The following LTBP4 variants were observed in gnomAD, a reference collection of about 807,000 sequenced individuals.
The protein encoded by LTBP4 is latent-transforming growth factor beta-binding protein 4.
Under a neutral mutation model 180.2 loss-of-function variants are expected in LTBP4, and 93 were observed. The ratio of observed to expected loss-of-function variants is 0.52; its 90% CI spans 0.44 to 0.61. The LOEUF (loss-of-function observed/expected upper bound fraction) is 0.61. Among genes scored for constraint, LTBP4 ranks in the 20% least tolerant of loss-of-function variants. LTBP4 has a pLI of 0.00. For synonymous variants in LTBP4, 947 were observed against 934.5 expected (o/e 1.01, Z -0.24); for missense variants, 2,116 against 2,256.5 (o/e 0.94, Z 1.26).
intron 24 of LTBP4, 78 bp from the exon 25 acceptor site, chr19:40,623,524 GTC>G (rs2081601971): frequency 4.0e-6 from 6 of 1,510,660 alleles, no homozygotes; most frequent in Middle Eastern, 1.7e-4. Flanking sequence ...CACCAGCTCT[GTC>G]TCTGTCTTCC....
Position 40,606,261 on chromosome 19 carries a change from T to C in LTBP4, c.822T>C (p.Asp274=). The part of the protein sequence containing the change: ...LGNSERVSAP[D]GPCPTGFERV... ...ACTCCGAAAGAGTGAGCGCCCCAGATGGACCTTGTCCAACCGGCTTTGAAA... is the reference window on the plus strand; with the variant it reads ...ACTCCGAAAGAGTGAGCGCCCCAGACGGACCTTGTCCAACCGGCTTTGAAA... Residue 274 remains aspartate (D), a synonymous_variant, in exon 5 of 30, where the codon GAT becomes GAC. Transcript: ENST00000396819. 1 of 1,597,908 alleles carries C rather than the reference T, an allele frequency of 6.3e-7. No individual in the cohort carries two copies.
At chr19:40,620,269 C>T (rs1403088957) in intron 22 of LTBP4, among the ~76,000 whole-genome samples, 1 of 147,634 alleles carries the variant, frequency 6.8e-6, no homozygotes, top group East Asian at 2.0e-4. Flanking sequence ...AAGACAGGGT[C>T]GTACTTTCAC....
In LTBP4 at chr19:40,605,288, C is replaced by T. The variant is rs905931506; in HGVS notation, c.442+62C>T. ...GTCAAGCATTTCACTTTGCCCCTGA[C>T]CCTCATATTTCCCGCCTTCCCGAGC... On this transcript the variant is annotated intron_variant, in intron 2 of 29. Coordinates refer to ENST00000396819, the MANE Select transcript of LTBP4 (RefSeq NM_001042545.2). The surrounding 1 kb of genome is among the most constrained non-coding windows in gnomAD (Gnocchi z 5.5). The T allele has an allele frequency of 5.1e-6, 8 of 1,557,372 alleles. 1 individual carries two copies. The highest frequency in any genetic ancestry group is 7.0e-6 in the Non-Finnish European group (8 of 1,149,446).
chr19:40,626,882 C>T, intron 27 of LTBP4, 93 bp from the exon 28 acceptor site: 1 of 1,419,904 alleles, frequency 7.0e-7, no homozygotes. Flanking sequence ...CCCTCCCCAT[C>T]CAGTCCTCTG....
At position 40,613,405 on chromosome 19, in the gene LTBP4, C is replaced by G. The variant is rs779911975; in HGVS notation, c.2433C>G (p.Asp811Glu). ...APSGRPGPCA[D>E]VNECLEGDFC... is the part of the protein sequence containing the mutation. ...CGCCCAATCTCCCGCGTACCCTAGA[C>G]GTGAACGAGTGCCTGGAGGGCGATT... The change falls in exon 17 of 30, where the codon GAC becomes GAG. Residue 811 changes from aspartate to glutamate, a missense_variant and splice_region_variant. Physicochemically the swap from Asp to Glu is conservative, Grantham distance 45. This residue lies in a region of LTBP4 where 877 missense variants were observed against 873.6 expected (regional missense o/e 1.00). Transcript: ENST00000396819. This position sits in a 1 kb window ranked among gnomAD's most constrained non-coding sequence, Gnocchi z 5.0. The G allele has an allele frequency of 1.9e-5, 31 of 1,606,490 alleles. No individual in the cohort carries two copies. Among genetic ancestry groups the G allele is most frequent in the Non-Finnish European group, 2.5e-5 (29 of 1,177,130 alleles).
chr19:40,613,773 T>C lies in LTBP4; in HGVS notation c.2558-143T>C. On this transcript the variant is annotated intron_variant, in intron 17 of 29. Coordinates refer to ENST00000396819, the MANE Select transcript of LTBP4 (RefSeq NM_001042545.2). This position sits in a 1 kb window ranked among gnomAD's most constrained non-coding sequence, Gnocchi z 5.0. ...CTGTTCTAAACCCGTCGGGGGGCGG[T>C]GTTTGCAGGGAGGGAAGTAGCGTGA... 1 of 1,328,060 alleles carries C rather than the reference T, an allele frequency of 7.5e-7. No homozygotes were observed. Among genetic ancestry groups the C allele is most frequent in the Non-Finnish European group, 1.0e-6 (1 of 956,330 alleles). 82.3% of individuals were successfully genotyped at this position (1,328,060 alleles called of 1,614,324 possible).
Position 40,611,029 on chromosome 19 carries a change from T to C in LTBP4, c.1811-123T>C, listed in dbSNP as rs1201016219. ...TGGTGGAGGATGCAGAGTCAGATGA[T>C]GGTGACAAGGAGGAATAGAGATGGG... On this transcript the variant is annotated intron_variant, in intron 12 of 29. Transcript: ENST00000396819. This position sits in a 1 kb window ranked among gnomAD's most constrained non-coding sequence, Gnocchi z 4.4. 5 of 1,340,932 alleles carry C rather than the reference T, an allele frequency of 3.7e-6. No homozygotes were observed. The highest frequency in any genetic ancestry group is 4.7e-5 in the East Asian group (2 of 42,376). 83.1% of individuals were successfully genotyped at this position (1,340,932 alleles called of 1,614,324 possible).
Position 40,605,585 on chromosome 19 carries a change from C to T in LTBP4, c.623C>T (p.Pro208Leu). The T allele has an allele frequency of 1.2e-6, 2 of 1,601,438 alleles. No homozygotes were observed. The highest frequency in any genetic ancestry group is 2.2e-5 in the East Asian group (1 of 44,546). The change falls in exon 3 of 30, where the codon CCG (proline) becomes CTG (leucine). Residue 208 changes from proline to leucine, a missense_variant. By Grantham distance (98) the Pro-to-Leu change is moderately conservative. This residue lies in a region of LTBP4 where 469 missense variants were observed against 532.5 expected (regional missense o/e 0.88). Coordinates refer to ENST00000396819, the MANE Select transcript of LTBP4 (RefSeq NM_001042545.2). The surrounding 1 kb of genome is among the most constrained non-coding windows in gnomAD (Gnocchi z 5.5). Reference protein sequence around the residue: ...APYTVLAQSAPREDGYSDASG... With the variant: ...APYTVLAQSALREDGYSDASG... ...TACACGGTGTTGGCACAGAGCGCGC[C>T]GCGGGAGGACGGCTACTCAGATGCC...
At chr19:40,614,472 C>A in intron 19 of LTBP4, 26 bp downstream of exon 19, 1 of 1,591,588 alleles carries the variant, frequency 6.3e-7, no homozygotes, top group Non-Finnish European at 8.5e-7. Flanking sequence ...CCCGCCTTCG[C>A]TAGCGCTTGC....
intron 1 of LTBP4, among the ~76,000 whole-genome samples, chr19:40,595,960 G>A (rs1228324177): frequency 4.3e-5 from 5 of 115,890 alleles, no homozygotes; most frequent in South Asian, 2.9e-4. Flanking sequence ...TTGCTCTGTC[G>A]CCCAGGCTAG....
rs111406820 is a variant in LTBP4, at chr19:40,619,345, A to G, written c.3071-2A>G. On this transcript the variant is annotated splice_acceptor_variant, in intron 21 of 29. Coordinates refer to ENST00000396819, the MANE Select transcript of LTBP4 (RefSeq NM_001042545.2). LOFTEE classifies it high-confidence loss of function. ...CTCTCCCCTGTTGTCTCCTGCTTAC[A>G]GATGTGAACGAGTGTGAAACACTAC... 1 of 1,613,350 alleles carries G rather than the reference A, an allele frequency of 6.2e-7. No individual in the cohort carries two copies. Among genetic ancestry groups the G allele is most frequent in the Non-Finnish European group, 8.5e-7 (1 of 1,179,438 alleles).
Position 40,611,827 on chromosome 19 carries a change from T to C in LTBP4, c.2054-32T>C, listed in dbSNP as rs1336264487. On this transcript the variant is annotated intron_variant, in intron 13 of 29. Transcript: ENST00000396819. This position sits in a 1 kb window ranked among gnomAD's most constrained non-coding sequence, Gnocchi z 4.4. Reference sequence around the variant, plus strand: ...GGCCATGGGAATGGATTCAGGCCCCTTCCTCAGCCTCATTGGTCCCCTCTG... The same window carrying C: ...GGCCATGGGAATGGATTCAGGCCCCCTCCTCAGCCTCATTGGTCCCCTCTG... 1 of 1,592,422 alleles carries C rather than the reference T, an allele frequency of 6.3e-7. No homozygotes were observed. Among genetic ancestry groups the C allele is most frequent in the South Asian group, 1.1e-5 (1 of 87,972 alleles).
chr19:40,597,756 A>C (rs938837583), upstream of LTBP4, among the ~76,000 whole-genome samples: 1 of 151,734 alleles, frequency 6.6e-6, no homozygotes, highest in African/African-American at 2.4e-5. Context: ...TAAGGAGGAA[A>C]GGTGTTGGGG....
At position 40,613,287 on chromosome 19, in the gene LTBP4, C is replaced by A; in HGVS notation, c.2431+91C>A. ...TGGAAAGGTGGAGGCGGGACCAAGGCGCTGTGGGAGGAGCTTAGAAACCTG... is the reference window on the plus strand; with the variant it reads ...TGGAAAGGTGGAGGCGGGACCAAGGAGCTGTGGGAGGAGCTTAGAAACCTG... On this transcript the variant is annotated intron_variant, in intron 16 of 29. Coordinates refer to ENST00000396819, the MANE Select transcript of LTBP4 (RefSeq NM_001042545.2). The surrounding 1 kb of genome is among the most constrained non-coding windows in gnomAD (Gnocchi z 5.0). The A allele has an allele frequency of 1.3e-6, 2 of 1,542,396 alleles. No individual in the cohort carries two copies. The highest frequency in any genetic ancestry group is 1.8e-6 in the Non-Finnish European group (2 of 1,140,944).
chr19:40,621,293 G>A (rs925774291), intron 22 of LTBP4, among the ~76,000 whole-genome samples: 20 of 151,996 alleles, frequency 1.3e-4, no homozygotes, highest in African/African-American at 4.8e-4. Flanking sequence ...CCATCTAGTG[G>A]TCCCCAGCAA....
rs1304051845 is a variant in LTBP4 at position 40,601,600 on chromosome 19, C to T, written c.213C>T (p.Pro71=). 1.4e-5 allele frequency: 20 copies of T among 1,403,998 alleles called. No homozygotes were observed. Among genetic ancestry groups the T allele is most frequent in the East Asian group, 9.0e-5 (3 of 33,440 alleles). 87.0% of individuals were successfully genotyped at this position (1,403,998 alleles called of 1,614,324 possible). A position where few individuals can be genotyped will look rare whatever the true frequency, so the allele number is the denominator to read the frequency against. ...RNATSVDSGA[P]GGAAPGGPGF... ...CCACCAGCGTGGACAGCGGCGCTCC[C>T]GGCGGGGCGGCCCCGGGGGGACCCG... The change falls in exon 1 of 30, where the codon CCC becomes CCT. Residue 71 remains proline (P), a synonymous_variant. Coordinates refer to ENST00000396819, the MANE Select transcript of LTBP4 (RefSeq NM_001042545.2).
At chr19:40,604,169 G>A (rs577558948) in intron 1 of LTBP4, among the ~76,000 whole-genome samples, 72 of 152,250 alleles carry the variant, frequency 4.7e-4, no homozygotes, top group African/African-American at 1.5e-3. Flanking sequence ...ATCAGAGTGC[G>A]GAAAGGAAGG....
rs540658739 is a variant in LTBP4 at position 40,626,042 on chromosome 19, C to A, written c.3985+33C>A. On this transcript the variant is annotated intron_variant, in intron 27 of 29. Transcript: ENST00000396819. ...CACTGGCCTAGGCTGAACTCAGAGG[C>A]CTTGCCCCATGGGCTCCAAATCTAG... 6 of 1,551,886 alleles carry A rather than the reference C, an allele frequency of 3.9e-6. No individual in the cohort carries two copies. In the East Asian group the frequency reaches 1.2e-4, roughly 31 times the overall value.
At position 40,608,544 on chromosome 19, in the gene LTBP4, G is replaced by T; in HGVS notation, c.1367G>T (p.Gly456Val). ...RPEPRPDPRP[G>V]PELPLPSIPA... Reference sequence around the variant, plus strand: ...GAACCCCGGCCCGATCCCCGGCCCGGCCCTGAGCTTCCCTTGCCCAGCATC... The same window carrying T: ...GAACCCCGGCCCGATCCCCGGCCCGTCCCTGAGCTTCCCTTGCCCAGCATC... Residue 456 changes from glycine to valine, a missense_variant, in exon 9 of 30, where the codon GGC becomes GTC. Physicochemically the swap from Gly to Val is moderately radical, Grantham distance 109. Transcript: ENST00000396819. 1 of 1,605,966 alleles carries T rather than the reference G, an allele frequency of 6.2e-7. No homozygotes were observed. The highest frequency in any genetic ancestry group is 8.5e-7 in the Non-Finnish European group (1 of 1,176,664).
Sources: allele counts gnomAD v4.1 joint callset (sites outside exome capture counted in the v4.1 genomes callset), GRCh38; gene constraint gnomAD v4.1.1; regional missense constraint gnomAD v4.1.1; non-coding constraint Gnocchi (gnomAD v3.1); transcripts MANE v1.5; gene names NCBI Gene and HGNC (gene_info 2026-07-23, HGNC 2026-07-21).